KRTCAP3: variants seen among roughly 807,000 people sequenced by gnomAD.
KRTCAP3 encodes keratinocyte-associated protein 3.
In KRTCAP3, 18 loss-of-function variants were observed where a neutral mutation model predicts 20.5. That is an observed-to-expected ratio of 0.88 (90% confidence interval 0.61 to 1.31). The LOEUF is 1.31. KRTCAP3 is among the 50% of genes most tolerant of loss of function. The probability of loss-of-function intolerance (pLI) is 0.00; values close to 1 mark genes in which losing one functional copy is unlikely to be tolerated. For synonymous variants in KRTCAP3, 167 were observed against 133.7 expected (o/e 1.25, Z -1.72); for missense variants, 347 against 310.4 (o/e 1.12, Z -0.89).
chr2:27,445,694 A>C (rs779218752), downstream of KRTCAP3: 5 of 1,594,424 alleles, frequency 3.1e-6, no homozygotes, highest in Admixed American at 8.4e-5. This position sits in a 1 kb window ranked among gnomAD's most constrained non-coding sequence, Gnocchi z 4.4. Flanking sequence ...CTCCCTCCTC[A>C]AGGCACTCAC....
At position 27,442,850 on chromosome 2, in the gene KRTCAP3, C is replaced by G; in HGVS notation, c.222C>G (p.Ser74=). 6.2e-7 allele frequency: 1 copy of G among 1,612,094 alleles called. No individual in the cohort carries two copies. Among genetic ancestry groups the G allele is most frequent in the Non-Finnish European group, 8.5e-7 (1 of 1,180,020 alleles). Residue 74 remains serine (S), a synonymous_variant, in exon 3 of 7, where the codon TCC becomes TCG. Coordinates refer to ENST00000288873, the MANE Select transcript of KRTCAP3 (RefSeq NM_173853.4). ...CTTTGTGTCTTCCACAGAGCGTTTC[C>G]GTGGGACTTGTGGCCCTCCTGGCGT... The part of the protein sequence containing the change: ...ISVGSGLLSV[S]VGLVALLASR...
At chr2:27,445,760 A>C, downstream of KRTCAP3, 1 of 1,614,150 alleles carries the variant, frequency 6.2e-7, no homozygotes. This position sits in a 1 kb window ranked among gnomAD's most constrained non-coding sequence, Gnocchi z 4.4. Flanking sequence ...CATGCTGCTT[A>C]GCTGGGAGTG....
At chr2:27,444,756 T>G (rs190642930), downstream of KRTCAP3, among the ~76,000 whole-genome samples, 21 of 152,268 alleles carry the variant, frequency 1.4e-4, no homozygotes, top group Admixed American at 1.4e-3. Context: ...TAAGCGATTC[T>G]CCTGCCTCAG....
At chr2:27,444,661 G>T, downstream of KRTCAP3, 1 of 705,756 alleles carries the variant, frequency 1.4e-6, no homozygotes, top group Non-Finnish European at 2.4e-6. Flanking sequence ...TTTTTTGTTT[G>T]TTTTGAGACA....
chr2:27,442,812 A>T, intron 2 of KRTCAP3, 30 bp from the exon 3 acceptor site: 1 of 1,611,408 alleles, frequency 6.2e-7, no homozygotes, highest in South Asian at 1.1e-5. Flanking sequence ...CGGAGAGCCC[A>T]GCAGGCCAAA....
intron 3 of KRTCAP3, 62 bp downstream of exon 3, chr2:27,442,963 C>G: frequency 2.5e-6 from 4 of 1,595,272 alleles, no homozygotes; most frequent in Non-Finnish European, 3.4e-6. Flanking sequence ...TGGGGGCTGA[C>G]TGAGCTTGGT....
chr2:27,446,065 T>C (rs1665064626), downstream of KRTCAP3: 2 of 1,555,074 alleles, frequency 1.3e-6, no homozygotes, highest in East Asian at 4.5e-5. Flanking sequence ...CAGATGCAAA[T>C]GGGAGTGAGC....
At chr2:27,444,944 C>T (rs1664915329), downstream of KRTCAP3, 1 of 1,545,732 alleles carries the variant, frequency 6.5e-7, no homozygotes, top group Non-Finnish European at 8.8e-7. Context: ...CCACTGCACC[C>T]AGACTTGTTT....
intron 5 of KRTCAP3, 74 bp from the exon 6 acceptor site, chr2:27,443,875 C>A (rs1034424067): frequency 6.5e-6 from 6 of 923,856 alleles, no homozygotes; most frequent in Non-Finnish European, 1.1e-5. Context: ...GGCTCCGTCA[C>A]AAAAAACAAA....
At chr2:27,445,026 A>G, downstream of KRTCAP3, 1 of 1,613,890 alleles carries the variant, frequency 6.2e-7, no homozygotes, top group Non-Finnish European at 8.5e-7. The surrounding 1 kb of genome is among the most constrained non-coding windows in gnomAD (Gnocchi z 4.4). Context: ...TGATGGCCAT[A>G]AGGAATTTAT....
chr2:27,446,134 G>A, downstream of KRTCAP3: 3 of 1,314,080 alleles, frequency 2.3e-6, no homozygotes, highest in Non-Finnish European at 2.2e-6. Flanking sequence ...GGAAGACATA[G>A]GAGGACTACA....
Position 27,442,841 on chromosome 2 carries a change from G to T in KRTCAP3, c.214-1G>T. On this transcript the variant is annotated splice_acceptor_variant, in intron 2 of 6. Transcript: ENST00000288873. LOFTEE classifies it high-confidence loss of function. Reference sequence around the variant, plus strand: ...GGCCAAAGGCTTTGTGTCTTCCACAGAGCGTTTCCGTGGGACTTGTGGCCC... The same window carrying T: ...GGCCAAAGGCTTTGTGTCTTCCACATAGCGTTTCCGTGGGACTTGTGGCCC... 6.2e-7 allele frequency: 1 copy of T among 1,611,876 alleles called. No homozygotes were observed. Among genetic ancestry groups the T allele is most frequent in the East Asian group, 2.2e-5 (1 of 44,888 alleles).
At chr2:27,444,336 G>A (rs962262793), downstream of KRTCAP3, 1 of 753,030 alleles carries the variant, frequency 1.3e-6, no homozygotes, top group Non-Finnish European at 2.3e-6. Flanking sequence ...GCACTGTGTG[G>A]TGTTGGGAAT....
downstream of KRTCAP3, chr2:27,445,884 G>C (rs188659223): frequency 1.5e-4 from 246 of 1,614,132 alleles, no homozygotes; most frequent in African/African-American, 3.0e-3. The surrounding 1 kb of genome is among the most constrained non-coding windows in gnomAD (Gnocchi z 4.4). Flanking sequence ...CACAGCTCGC[G>C]ACTGGCAAAA....
chr2:27,445,995 C>T, downstream of KRTCAP3: 1 of 1,614,198 alleles, frequency 6.2e-7, no homozygotes, highest in Middle Eastern at 1.6e-4. This position sits in a 1 kb window ranked among gnomAD's most constrained non-coding sequence, Gnocchi z 4.4. Flanking sequence ...CTGCCTGCAG[C>T]AAAGAAGAGT....
At chr2:27,442,495 G>A in intron 1 of KRTCAP3, 55 bp downstream of exon 1, 2 of 1,546,136 alleles carry the variant, frequency 1.3e-6, no homozygotes, top group Non-Finnish European at 1.7e-6. Context: ...CCCTTGCCCC[G>A]TCCTACTGCC....
chr2:27,444,541 C>T (rs372154058), downstream of KRTCAP3: 188 of 1,593,872 alleles, frequency 1.2e-4, no homozygotes, highest in African/African-American at 2.2e-3. Context: ...AATGGAAGAA[C>T]ATGAGAGGAA....
At chr2:27,442,541 C>T (rs978604017) in intron 1 of KRTCAP3, 38 bp from the exon 2 acceptor site, 3 of 1,534,380 alleles carry the variant, frequency 2.0e-6, no homozygotes, top group African/African-American at 2.8e-5. Context: ...TCTCCCCTCC[C>T]CGCCCGACTC....
rs142725812 is a variant in KRTCAP3 at position 27,443,180 on chromosome 2, G to A, written c.380G>A (p.Arg127His). 1.4e-5 allele frequency: 22 copies of A among 1,613,906 alleles called. No homozygotes were observed. Among genetic ancestry groups the A allele is most frequent in the African/African-American group, 1.3e-5 (1 of 74,904 alleles). Reference protein sequence around the residue: ...VSLTVANGGRRLIADCHPGLL... With the variant: ...VSLTVANGGRHLIADCHPGLL... ...CTCACTGTGGCCAACGGTGGCCGCCGCCTTATTGCTGACTGCCACCCAGGA... is the reference window on the plus strand; with the variant it reads ...CTCACTGTGGCCAACGGTGGCCGCCACCTTATTGCTGACTGCCACCCAGGA... Residue 127 changes from arginine to histidine, a missense_variant, in exon 4 of 7, where the codon CGC (arginine) becomes CAC (histidine). Physicochemically the swap from Arg to His is conservative, Grantham distance 29 (BLOSUM62 0). Transcript: ENST00000288873.
Sources: allele counts gnomAD v4.1 joint callset (sites outside exome capture counted in the v4.1 genomes callset), GRCh38; gene constraint gnomAD v4.1.1; non-coding constraint Gnocchi (gnomAD v3.1); transcripts MANE v1.5; gene names NCBI Gene and HGNC (gene_info 2026-07-23, HGNC 2026-07-21).